Variants in NRG1 observed in about 807,000 individuals in gnomAD.
NRG1 encodes pro-neuregulin-1, membrane-bound isoform.
In NRG1, 18 loss-of-function variants were observed where a neutral mutation model predicts 63.8. The observed-to-expected ratio is 0.28, with a 90% CI of 0.19 to 0.42. The LOEUF is 0.42. NRG1 is among the 10% of genes least tolerant of loss of function. NRG1 has a pLI of 1.00. For synonymous variants in NRG1, 302 were observed against 301.3 expected, an observed-to-expected ratio of 1.00 and a Z score of -0.02; for missense variants, 762 against 814.7, an observed-to-expected ratio of 0.94 and a Z score of 0.79.
intron 1 of NRG1, among the ~76,000 whole-genome samples, chr8:32,427,487 G>A (rs1338322511): frequency 8.5e-5 from 13 of 152,164 alleles, no homozygotes; most frequent in Non-Finnish European, 1.9e-4. Flanking sequence ...TTCCATAGCA[G>A]AGGAGCTGCG....
intron 1 of NRG1, among the ~76,000 whole-genome samples, chr8:32,520,925 A>G (rs2129505605): frequency 6.6e-6 from 1 of 152,312 alleles, no homozygotes; most frequent in East Asian, 1.9e-4. Flanking sequence ...CATCTTGATG[A>G]TCAGATTAAC....
At chr8:32,018,489 T>C (rs371413442) in intron 1 of NRG1, among the ~76,000 whole-genome samples, 13 of 152,344 alleles carry the variant, frequency 8.5e-5, no homozygotes, top group African/African-American at 2.6e-4. Flanking sequence ...CTATATTAAT[T>C]TTGTCTGTTT....
At chr8:31,687,171 A>C (rs913959253) in intron 1 of NRG1, among the ~76,000 whole-genome samples, 6 of 152,294 alleles carry the variant, frequency 3.9e-5, no homozygotes, top group African/African-American at 1.4e-4. Flanking sequence ...TGCATCGACT[A>C]TCTGGGGTAG....
In NRG1 at chr8:32,502,144, C is replaced by T. The variant is rs370014245; in HGVS notation, c.38-93684C>T. Among the ~76,000 whole-genome samples the T allele has an allele frequency of 3.9e-5, 6 of 152,120 alleles. No homozygotes were observed. In the East Asian group the frequency reaches 1.2e-3, roughly 30 times the overall value. On this transcript the variant is annotated intron_variant, in intron 1 of 10. Transcript: ENST00000519301. ...GTAGGCTATACAAGAAGCATAGCAG[C>T]TTCTGCTTCTTGGGAGGCATCGGGA...
intron 1 of NRG1, among the ~76,000 whole-genome samples, chr8:32,042,235 A>G (rs1820174947): frequency 6.6e-6 from 1 of 152,108 alleles, no homozygotes; most frequent in African/African-American, 2.4e-5. Context: ...GCTTGCGGCC[A>G]GGAGTTTGAG....
chr8:32,298,654 C>T (rs1343673291), intron 1 of NRG1, among the ~76,000 whole-genome samples: 1 of 145,032 alleles, frequency 6.9e-6, no homozygotes, highest in Non-Finnish European at 1.5e-5. Flanking sequence ...GCGGAGGTTG[C>T]AGTGAGCCGA....
chr8:32,256,500 A>G (rs1315363678), intron 1 of NRG1: 3 of 152,414 alleles, frequency 2.0e-5, no homozygotes, highest in Non-Finnish European at 2.9e-5. Context: ...GTTTGTGTCT[A>G]CGGCCATACC....
intron 1 of NRG1, among the ~76,000 whole-genome samples, chr8:32,173,653 A>C (rs1840341975): frequency 6.6e-6 from 1 of 152,228 alleles, no homozygotes; most frequent in Admixed American, 6.5e-5. Flanking sequence ...AAGATCTACC[A>C]AACAAATGGA....
At chr8:32,711,603 G>A (rs1263830408) in intron 5 of NRG1, among the ~76,000 whole-genome samples, 28 of 152,274 alleles carry the variant, frequency 1.8e-4, no homozygotes. Flanking sequence ...CTATGAATTT[G>A]TTGTGCTATA....
chr8:32,612,603 T>TA (rs1251049912), intron 3 of NRG1, among the ~76,000 whole-genome samples: 1 of 152,086 alleles, frequency 6.6e-6, no homozygotes, highest in Non-Finnish European at 1.5e-5. Flanking sequence ...AACATTCAAT[T>TA]AAAAAATGAA....
intron 1 of NRG1, among the ~76,000 whole-genome samples, chr8:32,042,741 C>T (rs6984757): frequency 0.019 from 2,909 of 150,560 alleles, 104 homozygotes; most frequent in African/African-American, 0.068. Flanking sequence ...AACTAAAAAA[C>T]ACAATAACTC....
At chr8:32,508,178 G>A (rs1438155442) in intron 1 of NRG1, among the ~76,000 whole-genome samples, 1 of 152,188 alleles carries the variant, frequency 6.6e-6, no homozygotes, top group East Asian at 1.9e-4. Context: ...AGCTGAGGTA[G>A]GAGGACTCCT....
intron 1 of NRG1, among the ~76,000 whole-genome samples, chr8:31,844,824 T>TA (rs201406197): frequency 0.045 from 6,750 of 150,850 alleles, 251 homozygotes; most frequent in Non-Finnish European, 0.063. Flanking sequence ...CAAAGGGAAT[T>TA]AAAAAAAAAT....
intron 1 of NRG1, among the ~76,000 whole-genome samples, chr8:31,814,201 G>A (rs780500917): frequency 2.0e-4 from 30 of 152,122 alleles, no homozygotes; most frequent in Non-Finnish European, 4.1e-4. Context: ...TGTCTTCCCA[G>A]CTCAGTGATC....
chr8:31,776,787 T>C (rs1819187551), intron 1 of NRG1, among the ~76,000 whole-genome samples: 1 of 151,496 alleles, frequency 6.6e-6, no homozygotes, highest in Admixed American at 6.6e-5. Context: ...GAACATGCGG[T>C]GTTTGGTTTT....
intron 1 of NRG1, among the ~76,000 whole-genome samples, chr8:32,058,111 A>T (rs1823258441): frequency 1.3e-5 from 2 of 152,130 alleles, no homozygotes; most frequent in Admixed American, 1.3e-4. Context: ...TAGCCCAAAA[A>T]TATGTACAAC....
rs1803698370 is a variant in NRG1, at chr8:31,640,873, C to G, written c.37+1442C>G. 1 of 1,372,742 alleles carries G rather than the reference C, an allele frequency of 7.3e-7. No homozygotes were observed. Among genetic ancestry groups the G allele is most frequent in the Admixed American group, 3.4e-5 (1 of 29,338 alleles). The allele number at this position is 1,372,742 out of a possible 1,614,324, so 85.0% of individuals were successfully genotyped here. ...TGGTTTCAGGGTGGTGGGTTCTCAG[C>G]GATCCTCAGAGAGGGAGGTTTCGCT... On this transcript the variant is annotated intron_variant, in intron 1 of 10. Transcript: ENST00000519301. The surrounding 1 kb of genome is among the most constrained non-coding windows in gnomAD (Gnocchi z 6.3).
intron 1 of NRG1, among the ~76,000 whole-genome samples, chr8:31,784,360 C>T (rs754121717): frequency 6.6e-6 from 1 of 152,172 alleles, no homozygotes; most frequent in Non-Finnish European, 1.5e-5. Context: ...TTCATGGAAA[C>T]GTGGATTTTC....
At chr8:31,772,427 TC>T (rs1418243437) in intron 1 of NRG1, among the ~76,000 whole-genome samples, 1 of 152,214 alleles carries the variant, frequency 6.6e-6, no homozygotes, top group East Asian at 1.9e-4. Context: ...GCGGACAGAT[TC>T]AACACAAGGT....
Sources: gnomAD v4.1 joint callset for allele counts (sites outside exome capture counted in the v4.1 genomes callset) on GRCh38, gnomAD v4.1.1 for gene constraint, Gnocchi (gnomAD v3.1) non-coding constraint, MANE v1.5 for transcripts, NCBI Gene and HGNC (gene_info 2026-07-23, HGNC 2026-07-21) for gene names.